The following SMYD3 variants were observed in gnomAD, a reference collection of about 807,000 sequenced individuals.
SMYD3 encodes the protein SET and MYND domain containing 3.
SMYD3 carries 36 observed loss-of-function variants against 57.7 expected under a neutral mutation model. The ratio of observed to expected loss-of-function variants is 0.62; its 90% CI spans 0.48 to 0.82. The LOEUF (loss-of-function observed/expected upper bound fraction) is 0.82. SMYD3 is among the 40% of genes least tolerant of loss of function. SMYD3 has a pLI of 0.00. For synonymous variants in SMYD3, 211 were observed against 195.0 expected, an observed-to-expected ratio of 1.08 and a Z score of -0.68; for missense variants, 515 against 538.8, an observed-to-expected ratio of 0.96 and a Z score of 0.44.
rs553840097 is a variant in SMYD3, at chr1:246,453,474, G to A, written c.164+53580C>T. The stretch of plus-strand genomic sequence containing the variant: ...AAACTTAGAAAATATACTATAAAAA[G>A]ATGCTATTTACACTACTGACAAAAA... On this transcript the variant is annotated intron_variant, in intron 1 of 11. Transcript: ENST00000490107. Among the ~76,000 whole-genome samples the A allele has an allele frequency of 2.6e-3, 401 of 152,240 alleles. 3 individuals are homozygous for A. Among genetic ancestry groups the A allele is most frequent in the Non-Finnish European group, 4.1e-3 (277 of 68,012 alleles).
At chr1:246,465,260 A>G (rs1449492762) in intron 1 of SMYD3, among the ~76,000 whole-genome samples, 1 of 152,226 alleles carries the variant, frequency 6.6e-6, no homozygotes, top group African/African-American at 2.4e-5. Context: ...CCCAAGGGAT[A>G]TGGCAGGAGA....
At chr1:246,237,229 T>C (rs1469331439) in intron 5 of SMYD3, among the ~76,000 whole-genome samples, 1 of 152,158 alleles carries the variant, frequency 6.6e-6, no homozygotes, top group Non-Finnish European at 1.5e-5. Flanking sequence ...TCCATTCCCA[T>C]CTCAGTCTAT....
chr1:245,789,366 A>C (rs985382866), intron 10 of SMYD3, among the ~76,000 whole-genome samples: 1 of 152,214 alleles, frequency 6.6e-6, no homozygotes. Context: ...AGAACCCAGT[A>C]TATTTCTGCA....
intron 2 of SMYD3, among the ~76,000 whole-genome samples, chr1:246,342,125 T>C (rs1371851345): frequency 6.6e-6 from 1 of 152,198 alleles, no homozygotes; most frequent in Non-Finnish European, 1.5e-5. Flanking sequence ...AGCTATTTGG[T>C]CATTAAGGAT....
intron 5 of SMYD3, among the ~76,000 whole-genome samples, chr1:246,134,934 T>TAAAAAA (rs1374654210): frequency 7.6e-6 from 1 of 131,060 alleles, no homozygotes. Context: ...CCAGTCAAGC[T>TAAAAAA]AAAAAAAAAA....
chr1:246,248,638 T>C (rs1384660690), intron 5 of SMYD3, among the ~76,000 whole-genome samples: 1 of 108,286 alleles, frequency 9.2e-6, no homozygotes. Context: ...TGACTTTCCT[T>C]TTTTTTTTTT....
chr1:246,013,333 C>T (rs547712241), intron 5 of SMYD3, among the ~76,000 whole-genome samples: 23 of 152,192 alleles, frequency 1.5e-4, no homozygotes, highest in Admixed American at 4.6e-4. Flanking sequence ...GCACGTGCCA[C>T]CATGTCCAGC....
At chr1:245,854,920 A>G (rs976555142) in intron 10 of SMYD3, among the ~76,000 whole-genome samples, 2 of 152,216 alleles carry the variant, frequency 1.3e-5, no homozygotes, top group South Asian at 2.1e-4. Context: ...GGCGAAGGTT[A>G]GGATTACTGT....
chr1:246,002,768 G>A (rs2059100112), intron 5 of SMYD3, among the ~76,000 whole-genome samples: 1 of 152,036 alleles, frequency 6.6e-6, no homozygotes, highest in African/African-American at 2.4e-5. Flanking sequence ...TATTTCTTTA[G>A]AGACGGGGTC....
At chr1:246,335,315 CAT>C in intron 3 of SMYD3, 50 bp downstream of exon 3, 1 of 1,479,030 alleles carries the variant, frequency 6.8e-7, no homozygotes. Context: ...AATGCAATTG[CAT>C]ATGTTTATTT....
intron 5 of SMYD3, among the ~76,000 whole-genome samples, chr1:245,968,858 A>C (rs2058222093): frequency 1.3e-5 from 2 of 152,136 alleles, no homozygotes; most frequent in South Asian, 4.1e-4. Flanking sequence ...TGTGCCGTTC[A>C]TCAGTGGAGG....
At chr1:245,861,001 G>A (rs968292679) in intron 9 of SMYD3, among the ~76,000 whole-genome samples, 2 of 152,202 alleles carry the variant, frequency 1.3e-5, no homozygotes, top group Non-Finnish European at 2.9e-5. Context: ...GTAGAAGCCA[G>A]ATGTGATGTT....
intron 5 of SMYD3, among the ~76,000 whole-genome samples, chr1:246,324,102 C>A (rs548710247): frequency 1.3e-5 from 2 of 152,218 alleles, no homozygotes; most frequent in African/African-American, 4.8e-5. Context: ...ATTCCATATG[C>A]CTTTCAATGA....
At chr1:246,172,425 C>A (rs1203235443) in intron 5 of SMYD3, among the ~76,000 whole-genome samples, 1 of 147,520 alleles carries the variant, frequency 6.8e-6, no homozygotes, top group Non-Finnish European at 1.5e-5. Flanking sequence ...CAACACTACA[C>A]ACTTAGGCTA....
intron 8 of SMYD3, among the ~76,000 whole-genome samples, chr1:245,874,426 C>G (rs1033019174): frequency 1.3e-5 from 2 of 152,152 alleles, no homozygotes; most frequent in African/African-American, 4.8e-5. Flanking sequence ...TAACAAGTCC[C>G]TGAGACACAA....
chr1:246,283,614 C>T (rs753883935), intron 5 of SMYD3, among the ~76,000 whole-genome samples: 3 of 152,170 alleles, frequency 2.0e-5, no homozygotes, highest in Non-Finnish European at 4.4e-5. Context: ...CTCAAAATAA[C>T]TCATATGGTT....
intron 1 of SMYD3, among the ~76,000 whole-genome samples, chr1:246,443,018 T>C (rs2067494327): frequency 6.6e-6 from 1 of 152,352 alleles, no homozygotes; most frequent in Non-Finnish European, 1.5e-5. Flanking sequence ...TAAATTCTTC[T>C]TATTTAAATT....
At chr1:245,983,741 C>A (rs2058646796) in intron 5 of SMYD3, among the ~76,000 whole-genome samples, 1 of 152,272 alleles carries the variant, frequency 6.6e-6, no homozygotes, top group East Asian at 1.9e-4. Flanking sequence ...ATTGAAACCA[C>A]AAACAAAAAG....
intron 6 of SMYD3, among the ~76,000 whole-genome samples, chr1:245,929,019 T>A (rs1281995465): frequency 4.6e-5 from 7 of 152,234 alleles, no homozygotes; most frequent in African/African-American, 1.7e-4. Context: ...AGCATGTTCA[T>A]CACATTTAAT....
Sources: gnomAD v4.1 joint callset for allele counts (sites outside exome capture counted in the v4.1 genomes callset) on GRCh38, gnomAD v4.1.1 for gene constraint, MANE v1.5 for transcripts, NCBI Gene and HGNC (gene_info 2026-07-23, HGNC 2026-07-21) for gene names.